The following SEZ6 variants were observed in gnomAD, a reference collection of about 807,000 sequenced individuals.
The protein encoded by SEZ6 is seizure related 6 homolog.
Under a neutral mutation model 101.0 loss-of-function variants are expected in SEZ6, and 53 were observed. The observed-to-expected ratio is 0.52, with a 90% CI of 0.42 to 0.66. The LOEUF is 0.66. Ranked by LOEUF, SEZ6 falls within the 30% of genes least tolerant of loss-of-function variation. The pLI is 0.00. For missense variants in SEZ6, 1,102 were observed against 1,289.4 expected, an observed-to-expected ratio of 0.85 and a Z score of 2.23; for synonymous variants, 488 against 512.2, an observed-to-expected ratio of 0.95 and a Z score of 0.64.
Position 28,955,865 on chromosome 17 carries a change from G to T in SEZ6, c.*97C>A. Reference sequence around the variant, plus strand: ...ATCTCCTCCTAGGTGGTATATACAGGAGGTGGAGGGACAGCAGGAAGCAAG... The same window carrying T: ...ATCTCCTCCTAGGTGGTATATACAGTAGGTGGAGGGACAGCAGGAAGCAAG... On this transcript the variant is annotated 3_prime_UTR_variant, in exon 17 of 17. Coordinates refer to ENST00000317338, the MANE Select transcript of SEZ6 (RefSeq NM_178860.5). 7.3e-7 allele frequency: 1 copy of T among 1,361,730 alleles called. No individual in the cohort carries two copies. Among genetic ancestry groups the T allele is most frequent in the South Asian group, 1.2e-5 (1 of 80,236 alleles). 84.4% of individuals were successfully genotyped at this position (1,361,730 alleles called of 1,614,324 possible). A position where few individuals can be genotyped will look rare whatever the true frequency, so the allele number is the denominator to read the frequency against.
intron 4 of SEZ6, among the ~76,000 whole-genome samples, chr17:28,967,993 C>T (rs996972218): frequency 1.3e-5 from 2 of 151,908 alleles, no homozygotes; most frequent in African/African-American, 2.4e-5. Context: ...CTGTCAGGGC[C>T]GTCTGCCTCC....
intron 3 of SEZ6, among the ~76,000 whole-genome samples, chr17:28,971,948 G>A (rs2041156918): frequency 6.6e-6 from 1 of 152,218 alleles, no homozygotes; most frequent in Non-Finnish European, 1.5e-5. Context: ...ATTTCAGATT[G>A]CCTGGAGGAC....
Position 28,960,538 on chromosome 17 carries a change from C to G in SEZ6, c.1543G>C (p.Gly515Arg). The change falls in exon 7 of 17, where the codon GGG becomes CGG. Residue 515 changes from glycine to arginine, a missense_variant. Transcript: ENST00000317338. ...FFVELSTDSS[G>R]AAAGMALRYE... is the part of the protein sequence containing the mutation. ...CGCAGGGCCATGCCTGCAGCTGCCC[C>G]GCTGCTGTCAGTACTGAGCTCAACA... 6.3e-7 allele frequency: 1 copy of G among 1,593,322 alleles called. No individual in the cohort carries two copies. The highest frequency in any genetic ancestry group is 8.5e-7 in the Non-Finnish European group (1 of 1,170,436).
intron 1 of SEZ6, among the ~76,000 whole-genome samples, chr17:28,995,507 A>C (rs551856050): frequency 6.6e-6 from 1 of 152,214 alleles, no homozygotes; most frequent in African/African-American, 2.4e-5. Context: ...CCGCAGGTGG[A>C]GAAACAGGGT....
At chr17:28,982,111 TG>T (rs965193045) in intron 1 of SEZ6, 72 bp from the exon 2 acceptor site, 19 of 1,480,336 alleles carry the variant, frequency 1.3e-5, no homozygotes, top group Admixed American at 4.7e-5. Flanking sequence ...ACTCGAGTAG[TG>T]GGGGGGCCCG....
chr17:28,975,290 G>A (rs189481780), intron 3 of SEZ6, among the ~76,000 whole-genome samples: 1 of 152,346 alleles, frequency 6.6e-6, no homozygotes, highest in East Asian at 1.9e-4. Flanking sequence ...AACCTGAGGT[G>A]CCCCTGCTCA....
At chr17:28,974,800 C>T (rs904159166) in intron 3 of SEZ6, among the ~76,000 whole-genome samples, 3 of 152,226 alleles carry the variant, frequency 2.0e-5, no homozygotes, top group Non-Finnish European at 4.4e-5. Flanking sequence ...GGGGCAGATC[C>T]TGACAGGTAC....
Position 28,956,480 on chromosome 17 carries a change from A to G in SEZ6, c.2732-13T>C, listed in dbSNP as rs1312065561. 1.3e-6 allele frequency: 2 copies of G among 1,548,830 alleles called. No homozygotes were observed. Among genetic ancestry groups the G allele is most frequent in the African/African-American group, 2.7e-5 (2 of 73,090 alleles). On this transcript the variant is annotated splice_polypyrimidine_tract_variant and intron_variant, in intron 14 of 16. Coordinates refer to ENST00000317338, the MANE Select transcript of SEZ6 (RefSeq NM_178860.5). Reference sequence around the variant, plus strand: ...GGTGCCTTGGCAACTGAAGACACAGAGGGTGTGACTGGAGCAGAGGTCTCT... The same window carrying G: ...GGTGCCTTGGCAACTGAAGACACAGGGGGTGTGACTGGAGCAGAGGTCTCT...
chr17:28,981,140 C>T (rs2041294603), intron 2 of SEZ6, among the ~76,000 whole-genome samples: 1 of 152,190 alleles, frequency 6.6e-6, no homozygotes, highest in African/African-American at 2.4e-5. Flanking sequence ...AGATGATCCA[C>T]TGGCCTCTGC....
At position 28,981,445 on chromosome 17, in the gene SEZ6, G is replaced by T; in HGVS notation, c.650C>A (p.Ala217Asp). Reference protein sequence around the residue: ...GIQGTITSSTASGDDEETTTT... With the variant: ...GIQGTITSSTDSGDDEETTTT... ...GGTGGTCTCCTCATCATCTCCTGAA[G>T]CTGTGGAGGAGGTGATGGTCCCCTG... Residue 217 changes from alanine to aspartate, a missense_variant, in exon 2 of 17, where the codon GCT (alanine) becomes GAT (aspartate). Around this residue, in one of 3 missense-constraint regions of SEZ6, gnomAD observed 406 missense variants for 418.6 expected, o/e 0.97. Transcript: ENST00000317338. 1 of 1,561,710 alleles carries T rather than the reference G, an allele frequency of 6.4e-7. No individual in the cohort carries two copies.
chr17:29,004,219 G>A (rs776874458), intron 1 of SEZ6, among the ~76,000 whole-genome samples: 8 of 152,190 alleles, frequency 5.3e-5, no homozygotes, highest in Non-Finnish European at 8.8e-5. Context: ...TCACACACAA[G>A]GCCTTGACTA....
At position 29,005,580 on chromosome 17, in the gene SEZ6, G is replaced by A. The variant is rs553254868; in HGVS notation, c.55+235C>T. On this transcript the variant is annotated intron_variant, in intron 1 of 16. Coordinates refer to ENST00000317338, the MANE Select transcript of SEZ6 (RefSeq NM_178860.5). The surrounding 1 kb of genome is among the most constrained non-coding windows in gnomAD (Gnocchi z 4.8). ...TCAGAGAAATCCCATTAGATCTGGG[G>A]AGATGATTAAAGACGAGGTCTCGGC... is the stretch of plus-strand genomic sequence containing the variant. Among the ~76,000 whole-genome samples, 4 of 152,174 alleles carry A rather than the reference G, an allele frequency of 2.6e-5. No homozygotes were observed. The highest frequency in any genetic ancestry group is 2.1e-4 in the South Asian group (1 of 4,834).
chr17:28,972,143 C>T (rs752467936), intron 3 of SEZ6, among the ~76,000 whole-genome samples: 1 of 152,230 alleles, frequency 6.6e-6, no homozygotes, highest in African/African-American at 2.4e-5. Context: ...ATCTTAGGGC[C>T]GCATCGTCTG....
rs1005350551 is a variant in SEZ6 at position 28,959,280 on chromosome 17, A to G, written c.1910+54T>C. On this transcript the variant is annotated intron_variant, in intron 9 of 16. Coordinates refer to ENST00000317338, the MANE Select transcript of SEZ6 (RefSeq NM_178860.5). This position sits in a 1 kb window ranked among gnomAD's most constrained non-coding sequence, Gnocchi z 4.4. ...TGGGGGCCCGAGGATGGGCTGGACA[A>G]GGGATATCCCCAGACCTCAGGAGTT... 4 of 1,613,692 alleles carry G rather than the reference A, an allele frequency of 2.5e-6. No individual in the cohort carries two copies. Among genetic ancestry groups the G allele is most frequent in the Non-Finnish European group, 3.4e-6 (4 of 1,179,766 alleles).
At chr17:28,994,660 C>T (rs908288983) in intron 1 of SEZ6, among the ~76,000 whole-genome samples, 22 of 151,450 alleles carry the variant, frequency 1.5e-4, no homozygotes, top group Admixed American at 1.3e-4. Context: ...CCACCTGCCT[C>T]GGCCTCCCAA....
intron 14 of SEZ6, 41 bp downstream of exon 14, chr17:28,956,678 C>T (rs1334247177): frequency 6.4e-7 from 1 of 1,553,876 alleles, no homozygotes; most frequent in South Asian, 1.2e-5. Context: ...AGAACCAGGA[C>T]CAGGGAGACC....
At chr17:28,987,020 G>C (rs1431738427) in intron 1 of SEZ6, among the ~76,000 whole-genome samples, 2 of 152,190 alleles carry the variant, frequency 1.3e-5, no homozygotes, top group Non-Finnish European at 2.9e-5. Context: ...CCGCCTCATG[G>C]CAGCACCAAC....
chr17:28,976,999 T>G (rs1598195823), intron 3 of SEZ6, among the ~76,000 whole-genome samples: 1 of 152,256 alleles, frequency 6.6e-6, no homozygotes, highest in Non-Finnish European at 1.5e-5. Flanking sequence ...CTACTAATCA[T>G]GAAGGTCTGT....
At chr17:28,973,537 G>A (rs771268815) in intron 3 of SEZ6, among the ~76,000 whole-genome samples, 18 of 152,294 alleles carry the variant, frequency 1.2e-4, no homozygotes, top group Non-Finnish European at 2.1e-4. Context: ...GTCTAGTGGT[G>A]AGGGTTGGGA....
Sources: gnomAD v4.1 joint callset for allele counts (sites outside exome capture counted in the v4.1 genomes callset) on GRCh38, gnomAD v4.1.1 for gene constraint, gnomAD v4.1.1 regional missense constraint, Gnocchi (gnomAD v3.1) non-coding constraint, MANE v1.5 for transcripts, NCBI Gene and HGNC (gene_info 2026-07-23, HGNC 2026-07-21) for gene names.